The following OSTN variants were observed in gnomAD, a reference collection of about 807,000 sequenced individuals.
OSTN encodes osteocrin.
A neutral mutation model predicts 12.0 loss-of-function variants in OSTN; 9 were observed. The observed-to-expected ratio is 0.75, with a 90% CI of 0.45 to 1.30. OSTN has a LOEUF of 1.30. Among genes scored for constraint, OSTN ranks in the 50% most tolerant of loss-of-function variants. OSTN has a pLI of 0.00. For synonymous variants in OSTN, 59 were observed against 56.9 expected (o/e 1.04, Z -0.16); for missense variants, 148 against 152.3 (o/e 0.97, Z 0.15).
Position 191,262,143 on chromosome 3 carries a change from G to A in OSTN, c.*13-723G>A, listed in dbSNP as rs576690121. Reference sequence around the variant, plus strand: ...TGAGACAGGAGAATCGCTTGAACCCGGAAGGCGGAGGCTGCAGTGAGCTGA... The same window carrying A: ...TGAGACAGGAGAATCGCTTGAACCCAGAAGGCGGAGGCTGCAGTGAGCTGA... On this transcript the variant is annotated intron_variant, in intron 4 of 4. Coordinates refer to ENST00000682035, the MANE Select transcript of OSTN (RefSeq NM_198184.2). Among the ~76,000 whole-genome samples, 229 of 152,226 alleles carry A rather than the reference G, an allele frequency of 1.5e-3. 2 individuals are homozygous for A. Among genetic ancestry groups the A allele is most frequent in the Middle Eastern group, 3.4e-3 (1 of 294 alleles).
At chr3:191,201,699 C>G (rs573175522) in intron 1 of OSTN, among the ~76,000 whole-genome samples, 2 of 151,900 alleles carry the variant, frequency 1.3e-5, no homozygotes, top group African/African-American at 4.8e-5. Context: ...ATTTTCTTCC[C>G]CCATTCAATA....
chr3:191,250,451 A>G (rs1487358969), intron 4 of OSTN, among the ~76,000 whole-genome samples: 2 of 152,194 alleles, frequency 1.3e-5, no homozygotes, highest in Non-Finnish European at 2.9e-5. Context: ...AATATATTAA[A>G]TCACCTCCAT....
chr3:191,239,135 G>C lies in OSTN; in HGVS notation c.318-10902G>C, dbSNP rs78778111. ...TAAACAAAACGCACAAACAAAGCAAGGAAAGGATGAAACAAGGAAAGAATG... is the reference window on the plus strand; with the variant it reads ...TAAACAAAACGCACAAACAAAGCAACGAAAGGATGAAACAAGGAAAGAATG... On this transcript the variant is annotated intron_variant, in intron 3 of 4. Transcript: ENST00000682035. 4.3e-3 allele frequency among the ~76,000 whole-genome samples: 653 copies of C among 152,246 alleles called. 5 individuals are homozygous for C. The highest frequency in any genetic ancestry group is 0.015 in the African/African-American group (618 of 41,544).
chr3:191,219,629 C>T (rs1244768895), intron 3 of OSTN, among the ~76,000 whole-genome samples: 1 of 152,028 alleles, frequency 6.6e-6, no homozygotes, highest in Non-Finnish European at 1.5e-5. Context: ...GTAATCATTC[C>T]AAACTTAGTT....
rs1715109014 is a variant in OSTN, at chr3:191,233,380, A to C, written c.317+14419A>C. Reference sequence around the variant, plus strand: ...TCAACTATACTTTGAAGCCCAAAATATTTTTCTCATTTCCATTCACTTGTT... The same window carrying C: ...TCAACTATACTTTGAAGCCCAAAATCTTTTTCTCATTTCCATTCACTTGTT... On this transcript the variant is annotated intron_variant, in intron 3 of 4. Transcript: ENST00000682035. Among the ~76,000 whole-genome samples the C allele has an allele frequency of 1.3e-5, 2 of 152,136 alleles. 1 individual carries two copies. Among genetic ancestry groups the C allele is most frequent in the Non-Finnish European group, 2.9e-5 (2 of 67,982 alleles).
At chr3:191,216,410 T>G (rs903963996) in intron 2 of OSTN, among the ~76,000 whole-genome samples, 2 of 152,258 alleles carry the variant, frequency 1.3e-5, no homozygotes, top group African/African-American at 2.4e-5. Context: ...TAGTTACTCA[T>G]GCAAATTTCT....
chr3:191,214,025 T>C (rs1309836202), intron 2 of OSTN, among the ~76,000 whole-genome samples: 1 of 152,184 alleles, frequency 6.6e-6, no homozygotes, highest in African/African-American at 2.4e-5. Context: ...GTGGGATTTG[T>C]GCTATAAGTA....
intron 1 of OSTN, among the ~76,000 whole-genome samples, chr3:191,211,568 T>C (rs894293192): frequency 1.3e-5 from 2 of 152,172 alleles, no homozygotes; most frequent in African/African-American, 4.8e-5. Context: ...TTTTCAACTT[T>C]TTTGTAAAGC....
chr3:191,201,110 T>G, intron 1 of OSTN, among the ~76,000 whole-genome samples: 1 of 151,902 alleles, frequency 6.6e-6, no homozygotes, highest in East Asian at 1.9e-4. Flanking sequence ...TATTTATTTA[T>G]TTTTTTTAGC....
intron 3 of OSTN, among the ~76,000 whole-genome samples, 188 bp downstream of exon 3, chr3:191,219,149 C>CT (rs1448709633): frequency 6.6e-6 from 1 of 152,180 alleles, no homozygotes; most frequent in Non-Finnish European, 1.5e-5. Flanking sequence ...AGCAAAATGA[C>CT]TGCCGCAGTG....
At chr3:191,250,199 T>C in intron 4 of OSTN, 66 bp downstream of exon 4, 3 of 1,221,058 alleles carry the variant, frequency 2.5e-6, no homozygotes, top group South Asian at 2.5e-5. Flanking sequence ...AATGGACTAA[T>C]CAATCCATTC....
At chr3:191,245,940 G>T (rs570490123) in intron 3 of OSTN, among the ~76,000 whole-genome samples, 1 of 151,416 alleles carries the variant, frequency 6.6e-6, no homozygotes. Context: ...GGTGGTGGGC[G>T]CCTGTAATCC....
intron 1 of OSTN, among the ~76,000 whole-genome samples, chr3:191,203,674 A>C (rs1714202815): frequency 7.1e-6 from 1 of 141,286 alleles, no homozygotes; most frequent in Admixed American, 7.0e-5. Flanking sequence ...CATCCATAAA[A>C]ATATTACTTT....
intron 3 of OSTN, among the ~76,000 whole-genome samples, chr3:191,241,789 A>G (rs1224438440): frequency 6.6e-6 from 1 of 152,250 alleles, no homozygotes; most frequent in Admixed American, 6.5e-5. Context: ...TGGTTATCAT[A>G]CAAAACATGT....
chr3:191,250,189 A>G, intron 4 of OSTN, 56 bp downstream of exon 4: 1 of 1,282,072 alleles, frequency 7.8e-7, no homozygotes, highest in Non-Finnish European at 1.1e-6. Context: ...AATATTTCAC[A>G]ATGGACTAAT....
chr3:191,247,632 A>C (rs1231870734), intron 3 of OSTN, among the ~76,000 whole-genome samples: 3 of 152,236 alleles, frequency 2.0e-5, no homozygotes, highest in African/African-American at 7.2e-5. Context: ...GTTTGAGTAT[A>C]AACACCGTAT....
intron 3 of OSTN, among the ~76,000 whole-genome samples, chr3:191,240,534 C>T (rs1715294603): frequency 6.6e-6 from 1 of 152,176 alleles, no homozygotes; most frequent in Non-Finnish European, 1.5e-5. Flanking sequence ...GCAACAATTA[C>T]CTAAAATTGA....
At chr3:191,257,897 AATAC>A (rs1199909642) in intron 4 of OSTN, among the ~76,000 whole-genome samples, 7 of 152,196 alleles carry the variant, frequency 4.6e-5, no homozygotes, top group African/African-American at 1.7e-4. Flanking sequence ...TATAGCTATA[AATAC>A]ATATATACAT....
At chr3:191,226,094 C>T (rs1240860725) in intron 3 of OSTN, among the ~76,000 whole-genome samples, 1 of 152,002 alleles carries the variant, frequency 6.6e-6, no homozygotes, top group Non-Finnish European at 1.5e-5. Context: ...AAACAGGAAG[C>T]ATTAGACTTA....
Sources: gnomAD v4.1 joint callset for allele counts (sites outside exome capture counted in the v4.1 genomes callset) on GRCh38, gnomAD v4.1.1 for gene constraint, MANE v1.5 for transcripts, NCBI Gene and HGNC (gene_info 2026-07-23, HGNC 2026-07-21) for gene names.